Variants in FAM227B observed in about 807,000 individuals in gnomAD.
The protein encoded by FAM227B is protein FAM227B.
FAM227B carries 88 observed loss-of-function variants against 73.8 expected under a neutral mutation model. That is an observed-to-expected ratio of 1.19 (90% CI 1.00 to 1.42). The LOEUF is 1.42. Ranked by LOEUF, FAM227B falls within the 40% of genes most tolerant of loss-of-function variation. The probability of loss-of-function intolerance (pLI) is 0.00; values close to 1 mark genes in which losing one functional copy is unlikely to be tolerated. For missense variants in FAM227B, 632 were observed against 590.9 expected (o/e 1.07, Z -0.72); for synonymous variants, 210 against 190.5 (o/e 1.10, Z -0.84).
chr15:49,594,691 C>A (rs552787593), intron 3 of FAM227B, among the ~76,000 whole-genome samples: 1 of 152,144 alleles, frequency 6.6e-6, no homozygotes, highest in Non-Finnish European at 1.5e-5. Context: ...TTTCCCTCCC[C>A]CACTTTATGC....
At chr15:49,525,339 A>G (rs1189519882) in intron 10 of FAM227B, among the ~76,000 whole-genome samples, 1 of 151,904 alleles carries the variant, frequency 6.6e-6, no homozygotes, top group Non-Finnish European at 1.5e-5. Flanking sequence ...CCATCCATGT[A>G]AGACATGACT....
chr15:49,597,909 T>C (rs2076973868), intron 3 of FAM227B, among the ~76,000 whole-genome samples: 2 of 151,670 alleles, frequency 1.3e-5, no homozygotes, highest in South Asian at 2.1e-4. Context: ...ACAACACTCA[T>C]AGATTAAACC....
Position 49,577,628 on chromosome 15 carries a change from C to A in FAM227B, c.441+1G>T. ...TCTGGCAGAACAGAAATTTTAAGTA[C>A]CTCTATATTCTTCTCTGTCTCCATT... On this transcript the variant is annotated splice_donor_variant, in intron 6 of 15. Transcript: ENST00000299338. LOFTEE classifies it high-confidence loss of function. 1 of 1,552,230 alleles carries A rather than the reference C, an allele frequency of 6.4e-7. No individual in the cohort carries two copies. Among genetic ancestry groups the A allele is most frequent in the Non-Finnish European group, 8.8e-7 (1 of 1,136,146 alleles).
intron 12 of FAM227B, among the ~76,000 whole-genome samples, chr15:49,369,133 A>G (rs1048479169): frequency 2.4e-5 from 3 of 123,578 alleles, no homozygotes; most frequent in African/African-American, 9.2e-5. Context: ...TAATTTTTTT[A>G]TTTTTAGTAG....
chr15:49,394,029 T>A (rs983238426), intron 11 of FAM227B, among the ~76,000 whole-genome samples: 5 of 152,160 alleles, frequency 3.3e-5, no homozygotes, highest in Admixed American at 2.0e-4. Context: ...ATCCCTTTTT[T>A]GGATTAATTA....
intron 11 of FAM227B, among the ~76,000 whole-genome samples, chr15:49,431,359 G>C (rs756749271): frequency 6.6e-6 from 1 of 151,730 alleles, no homozygotes; most frequent in African/African-American, 2.4e-5. Flanking sequence ...TAGAGAAGTC[G>C]TGTCAAATTC....
chr15:49,569,729 G>T (rs1328013887), intron 8 of FAM227B, among the ~76,000 whole-genome samples: 1 of 151,926 alleles, frequency 6.6e-6, no homozygotes, highest in East Asian at 1.9e-4. Context: ...ATCTCAAAAA[G>T]TTATTCCTCC....
intron 11 of FAM227B, among the ~76,000 whole-genome samples, chr15:49,463,365 C>G (rs1170267127): frequency 1.3e-5 from 2 of 151,996 alleles, no homozygotes; most frequent in African/African-American, 4.8e-5. Context: ...ACCAGCCTGG[C>G]CAACATAGTG....
intron 14 of FAM227B, among the ~76,000 whole-genome samples, chr15:49,334,638 G>A (rs1056265196): frequency 6.6e-6 from 1 of 152,156 alleles, no homozygotes; most frequent in Non-Finnish European, 1.5e-5. Flanking sequence ...TGGGTGGGCA[G>A]GAGACGGGAA....
intron 8 of FAM227B, 146 bp downstream of exon 8, chr15:49,574,865 T>G: frequency 2.1e-6 from 1 of 474,740 alleles, no homozygotes; most frequent in Non-Finnish European, 3.8e-6. Flanking sequence ...CTAGACATCA[T>G]ATAGGATTTC....
chr15:49,386,454 A>C (rs866253640), intron 11 of FAM227B, among the ~76,000 whole-genome samples: 1 of 151,886 alleles, frequency 6.6e-6, no homozygotes, highest in South Asian at 2.1e-4. Flanking sequence ...TTTGAATTGA[A>C]TGATGATAAT....
At chr15:49,602,329 A>G (rs1343965910) in intron 3 of FAM227B, among the ~76,000 whole-genome samples, 1 of 151,726 alleles carries the variant, frequency 6.6e-6, no homozygotes, top group Non-Finnish European at 1.5e-5. Context: ...TTTTGGATAT[A>G]AGCCATTTTA....
intron 14 of FAM227B, among the ~76,000 whole-genome samples, chr15:49,334,795 A>G (rs2039420493): frequency 6.6e-6 from 1 of 152,100 alleles, no homozygotes; most frequent in African/African-American, 2.4e-5. Context: ...TCTCCCCTTA[A>G]AGGCAATGAC....
chr15:49,328,430 AT>A lies in FAM227B; in HGVS notation c.*137del. On this transcript the variant is annotated 3_prime_UTR_variant, in exon 16 of 16. Coordinates refer to ENST00000299338, the MANE Select transcript of FAM227B (RefSeq NM_152647.3). ...CTTACTGAGATTTATTGATTTGAAG[AT>A]TTTAAAGATGAATGGTAAAACACAC... The A allele has an allele frequency of 6.9e-7, 1 of 1,444,832 alleles. No homozygotes were observed. The highest frequency in any genetic ancestry group is 1.6e-5 in the South Asian group (1 of 64,232). The allele number at this position is 1,444,832 out of a possible 1,614,324, so 89.5% of individuals were successfully genotyped here.
At chr15:49,542,944 T>C (rs543316712) in intron 9 of FAM227B, among the ~76,000 whole-genome samples, 2 of 152,164 alleles carry the variant, frequency 1.3e-5, no homozygotes, top group Admixed American at 6.6e-5. Flanking sequence ...ATTTTTGCAA[T>C]TGCAAATTGT....
chr15:49,357,608 C>A (rs570217218), intron 13 of FAM227B, among the ~76,000 whole-genome samples: 2,847 of 150,506 alleles, frequency 0.019, 43 homozygotes, highest in Middle Eastern at 0.031. Flanking sequence ...AGCTTACCAA[C>A]CAAAAAGAGT....
At chr15:49,562,408 G>C (rs1353698854) in intron 9 of FAM227B, among the ~76,000 whole-genome samples, 1 of 151,950 alleles carries the variant, frequency 6.6e-6, no homozygotes, top group Non-Finnish European at 1.5e-5. Flanking sequence ...TGGATTCATA[G>C]TAAAATCTAC....
At chr15:49,575,191 GT>G (rs1396266974) in intron 7 of FAM227B, 82 bp from the exon 8 acceptor site, 1 of 729,720 alleles carries the variant, frequency 1.4e-6, no homozygotes, top group Non-Finnish European at 2.2e-6. Flanking sequence ...TTTATAAAGA[GT>G]ATGCTTTCAT....
chr15:49,455,645 C>T (rs934155961), intron 11 of FAM227B, among the ~76,000 whole-genome samples: 4 of 152,108 alleles, frequency 2.6e-5, no homozygotes, highest in Middle Eastern at 3.4e-3. Flanking sequence ...ATCTAATGTC[C>T]TATATTTCTA....
Sources: allele counts gnomAD v4.1 joint callset (sites outside exome capture counted in the v4.1 genomes callset), GRCh38; gene constraint gnomAD v4.1.1; transcripts MANE v1.5; gene names NCBI Gene and HGNC (gene_info 2026-07-23, HGNC 2026-07-21).